STT3B: variants seen among roughly 807,000 people sequenced by gnomAD.
STT3B encodes STT3 oligosaccharyltransferase complex catalytic subunit B.
A neutral mutation model predicts 96.8 loss-of-function variants in STT3B; 29 were observed. The observed-to-expected ratio is 0.30, with a 90% CI of 0.22 to 0.41. STT3B has a LOEUF of 0.41. Ranked by LOEUF, STT3B falls within the 10% of genes least tolerant of loss-of-function variation. STT3B has a pLI of 1.00. For synonymous variants in STT3B, 367 were observed against 360.0 expected (o/e 1.02, Z -0.22); for missense variants, 640 against 1,022.3 (o/e 0.63, Z 5.10).
chr3:31,634,938 G>A (rs1195591715), intron 15 of STT3B, among the ~76,000 whole-genome samples: 1 of 152,036 alleles, frequency 6.6e-6, no homozygotes, highest in African/African-American at 2.4e-5. Flanking sequence ...AATATAATGG[G>A]GTTAACAAGT....
intron 1 of STT3B, 53 bp downstream of exon 1, chr3:31,533,365 C>G: frequency 7.1e-7 from 1 of 1,398,776 alleles, no homozygotes; most frequent in Non-Finnish European, 9.3e-7. Flanking sequence ...AACCGGGACC[C>G]GCTCCTCCGC....
intron 1 of STT3B, among the ~76,000 whole-genome samples, chr3:31,553,083 CAG>C (rs1471490294): frequency 2.4e-5 from 3 of 125,162 alleles, no homozygotes; most frequent in African/African-American, 9.6e-5. Context: ...GCCTGGGCGA[CAG>C]AGCGAAACTC....
chr3:31,591,681 A>G (rs1193478073), intron 3 of STT3B, among the ~76,000 whole-genome samples: 1 of 152,058 alleles, frequency 6.6e-6, no homozygotes, highest in Non-Finnish European at 1.5e-5. Flanking sequence ...TTATTGTCGT[A>G]TGTATTATAT....
intron 6 of STT3B, 139 bp from the exon 7 acceptor site, chr3:31,616,788 CAA>C (rs1699316314): frequency 1.5e-6 from 1 of 670,098 alleles, no homozygotes; most frequent in Non-Finnish European, 2.3e-6. Flanking sequence ...TGTCATTTGA[CAA>C]AGGAAATGTT....
At chr3:31,627,947 T>TCTACCC (rs1699569379) in intron 13 of STT3B, among the ~76,000 whole-genome samples, 1 of 152,000 alleles carries the variant, frequency 6.6e-6, no homozygotes, top group African/African-American at 2.4e-5. Flanking sequence ...ACAATAAATG[T>TCTACCC]CTACCCCCTT....
At chr3:31,535,282 A>G (rs1697059392) in intron 1 of STT3B, among the ~76,000 whole-genome samples, 1 of 151,944 alleles carries the variant, frequency 6.6e-6, no homozygotes, top group African/African-American at 2.4e-5. Context: ...AATAATGAAA[A>G]GGCTCAACAA....
chr3:31,625,919 T>A (rs1278641471), intron 12 of STT3B, 35 bp from the exon 13 acceptor site: 1 of 1,532,726 alleles, frequency 6.5e-7, no homozygotes, highest in Admixed American at 2.1e-5. Flanking sequence ...GTGGGAATAA[T>A]CAAAAACATT....
intron 4 of STT3B, 34 bp from the exon 5 acceptor site, chr3:31,600,326 A>C: frequency 1.0e-6 from 1 of 954,128 alleles, no homozygotes; most frequent in East Asian, 2.5e-5. Flanking sequence ...AAAAGTAAAA[A>C]TATATATTTA....
intron 1 of STT3B, among the ~76,000 whole-genome samples, chr3:31,544,634 A>G (rs187894884): frequency 6.6e-6 from 1 of 152,296 alleles, no homozygotes; most frequent in East Asian, 1.9e-4. Context: ...AAAAAAATCT[A>G]TTACAGTGAG....
chr3:31,588,606 A>G (rs775736866), intron 3 of STT3B, among the ~76,000 whole-genome samples: 12 of 152,144 alleles, frequency 7.9e-5, no homozygotes, highest in Middle Eastern at 6.8e-3. Flanking sequence ...CTTTTATTCC[A>G]ATGTAGATTT....
chr3:31,611,695 C>G (rs1412603514), intron 5 of STT3B, among the ~76,000 whole-genome samples: 1 of 152,070 alleles, frequency 6.6e-6, no homozygotes, highest in South Asian at 2.1e-4. Context: ...CGGGGTTTCT[C>G]CATGTTGGTC....
chr3:31,623,844 C>T lies in STT3B; in HGVS notation c.1710C>T (p.Ala570=), dbSNP rs754087146. ...ACTCTAGTCCAAGTGTAGTCCTGGC[C>T]TCATACAATCATGATGGGTAAGAAA... The part of the protein sequence containing the change: ...NAYSSPSVVL[A]SYNHDGTRNI... Residue 570 remains alanine (A), a synonymous_variant, in exon 11 of 16, where the codon GCC becomes GCT. Coordinates refer to ENST00000295770, the MANE Select transcript of STT3B (RefSeq NM_178862.3). 3 of 1,606,132 alleles carry T rather than the reference C, an allele frequency of 1.9e-6. No homozygotes were observed. The highest frequency in any genetic ancestry group is 2.6e-6 in the Non-Finnish European group (3 of 1,175,394).
At chr3:31,597,666 C>T (rs1698822186) in intron 4 of STT3B, among the ~76,000 whole-genome samples, 1 of 152,120 alleles carries the variant, frequency 6.6e-6, no homozygotes, top group Middle Eastern at 3.4e-3. Context: ...ACTCTGTTGC[C>T]CAGACTGGTC....
chr3:31,573,400 A>G lies in STT3B; in HGVS notation c.315-2996A>G, dbSNP rs139604817. 5.9e-5 allele frequency among the ~76,000 whole-genome samples: 9 copies of G among 152,270 alleles called. No individual in the cohort carries two copies. The East Asian group carries it at 1.4e-3, about 23-fold the overall frequency. The stretch of plus-strand genomic sequence containing the variant: ...GATGTAAAGAGACCAGTTAGAGGCT[A>G]TTTCAGTAGTCTAGTTAAAAGATGA... On this transcript the variant is annotated intron_variant, in intron 1 of 15. Coordinates refer to ENST00000295770, the MANE Select transcript of STT3B (RefSeq NM_178862.3).
chr3:31,602,078 CTT>C (rs1248954304), intron 5 of STT3B, among the ~76,000 whole-genome samples: 30 of 152,192 alleles, frequency 2.0e-4, no homozygotes, highest in Non-Finnish European at 5.9e-5. Context: ...GTGCTGTGAT[CTT>C]GCCACTGCAC....
intron 1 of STT3B, among the ~76,000 whole-genome samples, chr3:31,546,572 C>T (rs1575406929): frequency 6.6e-6 from 1 of 152,122 alleles, no homozygotes; most frequent in Non-Finnish European, 1.5e-5. Context: ...ACACACAGAC[C>T]TAGCTCAATG....
intron 15 of STT3B, among the ~76,000 whole-genome samples, chr3:31,633,902 C>T (rs945675159): frequency 6.6e-6 from 1 of 152,086 alleles, no homozygotes; most frequent in African/African-American, 2.4e-5. Context: ...CTTTGAATCT[C>T]ATTTTTTAAG....
At chr3:31,573,648 C>A (rs1033148670) in intron 1 of STT3B, among the ~76,000 whole-genome samples, 1 of 152,034 alleles carries the variant, frequency 6.6e-6, no homozygotes, top group African/African-American at 2.4e-5. Flanking sequence ...GGTGTCTGAT[C>A]AGGAGTTTAG....
At chr3:31,558,027 T>C (rs1697765891) in intron 1 of STT3B, among the ~76,000 whole-genome samples, 2 of 152,238 alleles carry the variant, frequency 1.3e-5, no homozygotes, top group African/African-American at 2.4e-5. Flanking sequence ...ATATGTCGAT[T>C]TCGTATCCTG....
Sources: gnomAD v4.1 joint callset for allele counts (sites outside exome capture counted in the v4.1 genomes callset) on GRCh38, gnomAD v4.1.1 for gene constraint, MANE v1.5 for transcripts, NCBI Gene and HGNC (gene_info 2026-07-23, HGNC 2026-07-21) for gene names.